PTPRD: variants seen among roughly 807,000 people sequenced by gnomAD.
The protein encoded by PTPRD is receptor-type tyrosine-protein phosphatase delta.
In PTPRD, 34 loss-of-function variants were observed where a neutral mutation model predicts 214.5. The ratio of observed to expected loss-of-function variants is 0.16; its 90% CI spans 0.12 to 0.21. The LOEUF is 0.21. Ranked by LOEUF, PTPRD falls within the 10% of genes least tolerant of loss-of-function variation. The pLI, the probability that PTPRD is intolerant of heterozygous loss-of-function variation, is 1.00. For missense variants in PTPRD, 2,545 were observed against 2,398.7 expected (o/e 1.06, Z -1.27); for synonymous variants, 1,128 against 845.7 (o/e 1.33, Z -5.79).
At chr9:10,108,221 G>T (rs192605102) in intron 3 of PTPRD, among the ~76,000 whole-genome samples, 10 of 152,070 alleles carry the variant, frequency 6.6e-5, no homozygotes, top group Admixed American at 6.6e-4. Context: ...TAGTTTTATG[G>T]TAGACAGCAT....
chr9:9,404,409 A>G (rs2072356677), intron 8 of PTPRD, among the ~76,000 whole-genome samples: 1 of 152,100 alleles, frequency 6.6e-6, no homozygotes, highest in South Asian at 2.1e-4. Context: ...TCTGGAATAT[A>G]TTTTGAAGGT....
intron 3 of PTPRD, among the ~76,000 whole-genome samples, chr9:10,096,242 T>C (rs990620566): frequency 6.6e-6 from 1 of 151,694 alleles, no homozygotes; most frequent in African/African-American, 2.4e-5. Context: ...TAAATTGAGA[T>C]ACATATCTGC....
At chr9:8,643,939 G>A (rs893057139) in intron 12 of PTPRD, among the ~76,000 whole-genome samples, 1 of 152,194 alleles carries the variant, frequency 6.6e-6, no homozygotes, top group African/African-American at 2.4e-5. Context: ...TGAAGTCTGA[G>A]TGCTGGGCTG....
At chr9:9,218,219 G>A (rs573476520) in intron 9 of PTPRD, among the ~76,000 whole-genome samples, 1 of 152,082 alleles carries the variant, frequency 6.6e-6, no homozygotes, top group Non-Finnish European at 1.5e-5. Flanking sequence ...TCAAACTTCT[G>A]TCTTGTTTTG....
intron 14 of PTPRD, among the ~76,000 whole-genome samples, chr9:8,577,316 C>A (rs113622963): frequency 6.6e-6 from 1 of 152,086 alleles, no homozygotes; most frequent in Admixed American, 6.6e-5. Context: ...GTACAATTGG[C>A]GTGATCTTGG....
intron 10 of PTPRD, among the ~76,000 whole-genome samples, chr9:9,157,358 G>C (rs1352235239): frequency 4.0e-5 from 6 of 151,714 alleles, no homozygotes; most frequent in African/African-American, 1.5e-4. Flanking sequence ...TTTTTGAAAA[G>C]ACAAACAAAA....
chr9:9,290,756 T>G (rs377623457), intron 9 of PTPRD, among the ~76,000 whole-genome samples: 16 of 151,670 alleles, frequency 1.1e-4, no homozygotes, highest in African/African-American at 3.9e-4. Flanking sequence ...TGGAAATGAT[T>G]TATAAACATG....
intron 7 of PTPRD, among the ~76,000 whole-genome samples, chr9:9,579,289 C>T (rs1236007301): frequency 6.6e-6 from 1 of 152,030 alleles, no homozygotes; most frequent in Non-Finnish European, 1.5e-5. Context: ...TCTTTAAGTT[C>T]ATCTCATTTA....
At chr9:9,716,927 T>C (rs528718520) in intron 7 of PTPRD, among the ~76,000 whole-genome samples, 8 of 152,204 alleles carry the variant, frequency 5.3e-5, no homozygotes, top group Admixed American at 6.5e-5. Context: ...TCCTTGCCCA[T>C]GCCTATGTCC....
chr9:9,266,264 T>C (rs1005148893), intron 9 of PTPRD, among the ~76,000 whole-genome samples: 1 of 151,218 alleles, frequency 6.6e-6, no homozygotes. Context: ...ATAAAGCAAA[T>C]ATTAACACAT....
At chr9:8,388,509 TAC>T (rs2088078853) in intron 37 of PTPRD, among the ~76,000 whole-genome samples, 1 of 152,190 alleles carries the variant, frequency 6.6e-6, no homozygotes. Context: ...TGTACACATG[TAC>T]TCAGGAATAT....
At chr9:9,465,073 T>C (rs1435871369) in intron 8 of PTPRD, among the ~76,000 whole-genome samples, 1 of 152,226 alleles carries the variant, frequency 6.6e-6, no homozygotes, top group Non-Finnish European at 1.5e-5. Context: ...TACAGAGATC[T>C]CCTGCCCCAA....
chr9:8,519,661 T>A (rs757032104), intron 20 of PTPRD, among the ~76,000 whole-genome samples: 9 of 152,210 alleles, frequency 5.9e-5, no homozygotes, highest in Non-Finnish European at 1.2e-4. Flanking sequence ...TTAATGAGAA[T>A]CGTTAAACAG....
At chr9:8,898,996 T>C (rs1010273347) in intron 11 of PTPRD, among the ~76,000 whole-genome samples, 8 of 152,160 alleles carry the variant, frequency 5.3e-5, no homozygotes, top group Admixed American at 2.6e-4. Context: ...TAAAAGTGAC[T>C]TCATGAAAAT....
intron 4 of PTPRD, among the ~76,000 whole-genome samples, chr9:10,019,834 C>T (rs552875966): frequency 2.9e-4 from 44 of 152,054 alleles, no homozygotes; most frequent in African/African-American, 4.6e-4. Context: ...TGTTAAATGA[C>T]GAGTTACTGG....
At chr9:8,331,805 C>CACAAGAACAATCATTTTCA in intron 43 of PTPRD, 69 bp from the exon 44 acceptor site, 1 of 1,474,416 alleles carries the variant, frequency 6.8e-7, no homozygotes, top group Non-Finnish European at 9.0e-7. Flanking sequence ...GCATACGGAC[C>CACAAGAACAATCATTTTCA]ACAAGAACAA....
intron 7 of PTPRD, among the ~76,000 whole-genome samples, chr9:9,677,520 A>G (rs974422790): frequency 1.8e-4 from 27 of 152,040 alleles, no homozygotes; most frequent in Non-Finnish European, 2.6e-4. Context: ...ATTCAACAAC[A>G]CTTCATGCTA....
intron 10 of PTPRD, among the ~76,000 whole-genome samples, chr9:9,068,834 T>A (rs1358228174): frequency 3.3e-5 from 5 of 152,056 alleles, no homozygotes; most frequent in Non-Finnish European, 5.9e-5. Context: ...ATGGTCTCGA[T>A]CTCCTGACCT....
intron 5 of PTPRD, among the ~76,000 whole-genome samples, chr9:9,864,446 C>A (rs908169217): frequency 4.6e-5 from 7 of 152,002 alleles, no homozygotes; most frequent in African/African-American, 1.7e-4. Context: ...CCGTGGTCTG[C>A]AAAGTATGAT....
Sources: gnomAD v4.1 joint callset for allele counts (sites outside exome capture counted in the v4.1 genomes callset) on GRCh38, gnomAD v4.1.1 for gene constraint, MANE v1.5 for transcripts, NCBI Gene and HGNC (gene_info 2026-07-23, HGNC 2026-07-21) for gene names.